Variants in SLIT3 observed in about 807,000 individuals in gnomAD.
SLIT3 encodes the protein slit homolog 3 protein.
SLIT3 carries 68 observed loss-of-function variants against 184.0 expected under a neutral mutation model. The observed-to-expected ratio is 0.37, with a 90% confidence interval of 0.30 to 0.45. SLIT3 has a LOEUF of 0.45. Ranked by LOEUF, SLIT3 falls within the 20% of genes least tolerant of loss-of-function variation. The pLI is 1.00. For synonymous variants in SLIT3, 831 were observed against 828.6 expected, an observed-to-expected ratio of 1.00 and a Z score of -0.05; for missense variants, 1,707 against 2,026.0, an observed-to-expected ratio of 0.84 and a Z score of 3.02.
In SLIT3 at chr5:168,818,862, G is replaced by A. The variant is rs1757427401; in HGVS notation, c.630-1399C>T. ...AGCCTCCCATAGGCCTGGGCCACTG[G>A]GGCCTTGGCCGCCGCAGGGGGCTCC... On this transcript the variant is annotated intron_variant, in intron 7 of 35. Coordinates refer to ENST00000519560, the MANE Select transcript of SLIT3 (RefSeq NM_003062.4). 2.0e-5 allele frequency among the ~76,000 whole-genome samples: 3 copies of A among 152,264 alleles called. No individual in the cohort carries two copies. In the South Asian group the frequency reaches 6.2e-4, roughly 31 times the overall value.
chr5:168,674,147 ATGCCACTTTTGGGGAAATAC>A (rs1462038358), intron 32 of SLIT3, among the ~76,000 whole-genome samples: 1 of 152,212 alleles, frequency 6.6e-6, no homozygotes, highest in Non-Finnish European at 1.5e-5. Context: ...AGTGGTATGC[ATGCCACTTTTGGGGAAATAC>A]TGCCTTATAA....
At chr5:169,180,606 A>G (rs1157073157) in intron 4 of SLIT3, among the ~76,000 whole-genome samples, 1 of 152,178 alleles carries the variant, frequency 6.6e-6, no homozygotes, top group Non-Finnish European at 1.5e-5. Flanking sequence ...CAGAGATGGC[A>G]AATTCTACCC....
chr5:168,758,836 CTCATTA>C (rs1382564070), intron 16 of SLIT3, among the ~76,000 whole-genome samples: 1 of 152,192 alleles, frequency 6.6e-6, no homozygotes, highest in African/African-American at 2.4e-5. Flanking sequence ...ACAGTCCACT[CTCATTA>C]TAAGTAAGCA....
intron 5 of SLIT3, among the ~76,000 whole-genome samples, chr5:168,847,872 G>A (rs935264443): frequency 1.8e-4 from 28 of 152,068 alleles, no homozygotes; most frequent in South Asian, 2.1e-4. Context: ...GGTCCATATC[G>A]TGCCTTTGAA....
chr5:168,901,924 T>A (rs1760885161), intron 4 of SLIT3, among the ~76,000 whole-genome samples: 1 of 152,116 alleles, frequency 6.6e-6, no homozygotes, highest in South Asian at 2.1e-4. Context: ...TTCTTTGAGA[T>A]GGAGTCTCAC....
At chr5:168,925,799 T>A (rs1273202865) in intron 4 of SLIT3, among the ~76,000 whole-genome samples, 1 of 152,158 alleles carries the variant, frequency 6.6e-6, no homozygotes, top group Admixed American at 6.5e-5. Flanking sequence ...GGAAAGAGAA[T>A]GTCGTTTGTT....
chr5:169,207,754 T>A (rs1467117899), intron 3 of SLIT3, among the ~76,000 whole-genome samples: 5 of 152,166 alleles, frequency 3.3e-5, no homozygotes, highest in Non-Finnish European at 7.4e-5. Context: ...ATTCAACCAC[T>A]GAGATGATGG....
chr5:169,296,636 G>C (rs572122176), intron 1 of SLIT3, among the ~76,000 whole-genome samples: 3 of 152,272 alleles, frequency 2.0e-5, no homozygotes, highest in African/African-American at 7.2e-5. Context: ...TTGACCTCAG[G>C]ACCTCTGTGG....
At chr5:168,807,117 T>C (rs1179727405) in intron 8 of SLIT3, among the ~76,000 whole-genome samples, 1 of 152,126 alleles carries the variant, frequency 6.6e-6, no homozygotes, top group African/African-American at 2.4e-5. Context: ...AAATGGCTTC[T>C]TTGTCCAGGG....
At chr5:168,712,577 A>C (rs1446099540) in intron 23 of SLIT3, 1 of 548,378 alleles carries the variant, frequency 1.8e-6, no homozygotes, top group Non-Finnish European at 3.3e-6. Flanking sequence ...AAGGGGGTGG[A>C]CTTTTCAATC....
chr5:168,851,637 G>GT (rs1758683589), intron 5 of SLIT3, among the ~76,000 whole-genome samples: 1 of 152,116 alleles, frequency 6.6e-6, no homozygotes, highest in Admixed American at 6.5e-5. Context: ...GGACCAAAGG[G>GT]TTTTATACCT....
rs78615042 is a variant in SLIT3 at position 168,689,546 on chromosome 5, G to A, written c.3177-2430C>T. ...TCATAAAATGTGAATGAGTTTCTACGTTCTAAGATTGTTGGATGTTGGATA... is the reference window on the plus strand; with the variant it reads ...TCATAAAATGTGAATGAGTTTCTACATTCTAAGATTGTTGGATGTTGGATA... On this transcript the variant is annotated intron_variant, in intron 29 of 35. Transcript: ENST00000519560. Among the ~76,000 whole-genome samples the A allele has an allele frequency of 5.5e-4, 84 of 152,296 alleles. 1 individual carries two copies. Among genetic ancestry groups the A allele is most frequent in the African/African-American group, 1.9e-3 (80 of 41,554 alleles).
chr5:169,230,840 C>CT (rs138201872), intron 3 of SLIT3, among the ~76,000 whole-genome samples: 36,146 of 151,614 alleles, frequency 0.24, 5,319 homozygotes, highest in Non-Finnish European at 0.34. Context: ...CAAAATAAAA[C>CT]TTTTTTTTTA....
At chr5:169,227,367 T>TTA (rs1297776720) in intron 3 of SLIT3, among the ~76,000 whole-genome samples, 1 of 152,216 alleles carries the variant, frequency 6.6e-6, no homozygotes, top group East Asian at 1.9e-4. Context: ...ATGCGTTATC[T>TTA]TAATTAGTCC....
chr5:168,686,061 T>A, intron 30 of SLIT3, 134 bp from the exon 31 acceptor site: 1 of 1,025,074 alleles, frequency 9.8e-7, no homozygotes, highest in Non-Finnish European at 1.3e-6. Context: ...AGGGGCTAGT[T>A]CCAGCCCTGC....
In SLIT3 at chr5:169,074,515, C is replaced by T. The variant is rs957689819; in HGVS notation, c.413+118964G>A. ...TTTTCAATTAATAACTCATGTATTC[C>T]TAAAACACATCCTATGAAGTAACCA... On this transcript the variant is annotated intron_variant, in intron 4 of 35. Transcript: ENST00000519560. Among the ~76,000 whole-genome samples, 8 of 152,246 alleles carry T rather than the reference C, an allele frequency of 5.3e-5. No individual in the cohort carries two copies. In the South Asian group the frequency reaches 1.7e-3, roughly 32 times the overall value.
rs144799628 is a variant in SLIT3 at position 168,685,737 on chromosome 5, C to T, written c.3505G>A (p.Val1169Met). 4.4e-5 allele frequency: 70 copies of T among 1,596,324 alleles called. No homozygotes were observed. The highest frequency in any genetic ancestry group is 5.6e-5 in the Non-Finnish European group (66 of 1,169,554). Residue 1169 changes from valine to methionine, a missense_variant, in exon 31 of 36, where the codon GTG (valine) becomes ATG (methionine). Val to Met is a conservative substitution (Grantham distance 21, BLOSUM62 1). This residue lies in a region of SLIT3 where 387 missense variants were observed against 477.9 expected (regional missense o/e 0.81). Coordinates refer to ENST00000519560, the MANE Select transcript of SLIT3 (RefSeq NM_003062.4). Reference protein sequence around the residue: ...TVNFVGKDSYVELASAKVRPQ... With the variant: ...TVNFVGKDSYMELASAKVRPQ... Reference sequence around the variant, plus strand: ...CGGACCTTGGCGGAGGCCAGTTCCACGTAGGAGTCTTTGCCCACGAAGTTG... The same window carrying T: ...CGGACCTTGGCGGAGGCCAGTTCCATGTAGGAGTCTTTGCCCACGAAGTTG...
At position 168,748,350 on chromosome 5, in the gene SLIT3, T is replaced by A; in HGVS notation, c.2222A>T (p.Lys741Met). 1 of 1,498,662 alleles carries A rather than the reference T, an allele frequency of 6.7e-7. No homozygotes were observed. Among genetic ancestry groups the A allele is most frequent in the Non-Finnish European group, 8.8e-7 (1 of 1,130,898 alleles). The allele number at this position is 1,498,662 out of a possible 1,614,324, so 92.8% of individuals were successfully genotyped here. The change falls in exon 20 of 36, where the codon AAG (lysine) becomes ATG (methionine). Residue 741 changes from lysine to methionine, a missense_variant. Physicochemically the swap from Lys to Met is moderately conservative, Grantham distance 95. This residue lies in a region of SLIT3 where 1,307 missense variants were observed against 1,511.6 expected (regional missense o/e 0.86). Transcript: ENST00000519560. The stretch of plus-strand genomic sequence containing the variant: ...GCCTCTGGGGAGGGCGCGGAGCCCC[T>A]TGTTGCTGCATCGCACCACTGTCTC... ...CMETVVRCSN[K>M]GLRALPRGMP...
chr5:168,671,157 T>C, intron 34 of SLIT3, 41 bp downstream of exon 34: 7 of 1,584,096 alleles, frequency 4.4e-6, no homozygotes, highest in Non-Finnish European at 5.2e-6. Context: ...GAGGCCATTC[T>C]GGGAGCTCGA....
Sources: gnomAD v4.1 joint callset for allele counts (sites outside exome capture counted in the v4.1 genomes callset) on GRCh38, gnomAD v4.1.1 for gene constraint, gnomAD v4.1.1 regional missense constraint, MANE v1.5 for transcripts, NCBI Gene and HGNC (gene_info 2026-07-23, HGNC 2026-07-21) for gene names.